Variants in CTNNA3 observed in about 807,000 individuals in gnomAD.
CTNNA3 encodes the protein catenin alpha-3.
In CTNNA3, 76 loss-of-function variants were observed where a neutral mutation model predicts 95.7. The ratio of observed to expected loss-of-function variants is 0.79; its 90% CI spans 0.66 to 0.96. CTNNA3 has a LOEUF of 0.96. CTNNA3 is among the 40% of genes least tolerant of loss of function. The pLI, the probability that CTNNA3 is intolerant of heterozygous loss-of-function variation, is 0.00. For synonymous variants in CTNNA3, 431 were observed against 374.4 expected (o/e 1.15, Z -1.74); for missense variants, 1,191 against 1,089.8 (o/e 1.09, Z -1.31).
At chr10:67,705,437 AC>A (rs1299668927) in intron 1 of CTNNA3, among the ~76,000 whole-genome samples, 2 of 149,348 alleles carry the variant, frequency 1.3e-5, no homozygotes, top group African/African-American at 4.9e-5. Context: ...ACCATGGAAT[AC>A]TATGCAGCCA....
chr10:66,334,404 C>T (rs1056707236), intron 12 of CTNNA3, among the ~76,000 whole-genome samples: 1 of 151,702 alleles, frequency 6.6e-6, no homozygotes, highest in East Asian at 1.9e-4. Context: ...CCTTCAGGAG[C>T]TCTGTTTGTC....
chr10:67,718,485 A>T (rs1301832152), intron 1 of CTNNA3, among the ~76,000 whole-genome samples: 2 of 152,206 alleles, frequency 1.3e-5, no homozygotes, highest in East Asian at 3.8e-4. Flanking sequence ...CGTTCCATCA[A>T]TACCTAGTTT....
chr10:66,192,383 A>G (rs779126610), intron 13 of CTNNA3, among the ~76,000 whole-genome samples: 1 of 152,226 alleles, frequency 6.6e-6, no homozygotes, highest in Non-Finnish European at 1.5e-5. Context: ...TTTGAGTGCT[A>G]CAGAATAAGA....
intron 5 of CTNNA3, among the ~76,000 whole-genome samples, chr10:67,266,223 C>T (rs1464451578): frequency 6.6e-6 from 1 of 151,936 alleles, no homozygotes; most frequent in African/African-American, 2.4e-5. Flanking sequence ...AAGCAAAAGA[C>T]AAGAAAGAAC....
intron 4 of CTNNA3, among the ~76,000 whole-genome samples, chr10:67,538,180 AG>A (rs1233372122): frequency 6.7e-6 from 1 of 148,350 alleles, no homozygotes. Flanking sequence ...AAAAAAAAAA[AG>A]GTATTGAATT....
In CTNNA3 at chr10:66,723,379, C is replaced by CA. The variant is rs201597680; in HGVS notation, c.1281+42884_1281+42885insT. Among the ~76,000 whole-genome samples, 744 of 152,242 alleles carry CA rather than the reference C, an allele frequency of 4.9e-3. 1 individual carries two copies. Among genetic ancestry groups the CA allele is most frequent in the African/African-American group, 0.017 (707 of 41,538 alleles). Reference sequence around the variant, plus strand: ...TTTTTCTAAATCCTACAATCCTCTACGAATGGAAGCAATAGCACTACAGTT... The same window carrying CA: ...TTTTTCTAAATCCTACAATCCTCTACAGAATGGAAGCAATAGCACTACAGTT... On this transcript the variant is annotated intron_variant, in intron 9 of 17. Transcript: ENST00000433211.
chr10:66,779,484 G>A (rs1840445989), intron 7 of CTNNA3, among the ~76,000 whole-genome samples: 1 of 151,958 alleles, frequency 6.6e-6, no homozygotes, highest in South Asian at 2.1e-4. Flanking sequence ...AGCCTCCTGA[G>A]TAGCTGGGAT....
chr10:66,945,723 T>C (rs147493954), intron 7 of CTNNA3, among the ~76,000 whole-genome samples: 2 of 152,308 alleles, frequency 1.3e-5, no homozygotes, highest in East Asian at 3.9e-4. Context: ...TTTTTATCTT[T>C]TGATTTCAAG....
At chr10:66,713,396 A>G (rs1224164653) in intron 9 of CTNNA3, among the ~76,000 whole-genome samples, 2 of 152,054 alleles carry the variant, frequency 1.3e-5, no homozygotes, top group Non-Finnish European at 1.5e-5. Context: ...GCAGATTGGT[A>G]TTTTAAATGT....
At chr10:66,784,401 CTT>C (rs1840659124) in intron 7 of CTNNA3, among the ~76,000 whole-genome samples, 1 of 151,998 alleles carries the variant, frequency 6.6e-6, no homozygotes, top group Non-Finnish European at 1.5e-5. Flanking sequence ...TGTTATGAAA[CTT>C]GATTTGTGCA....
At chr10:66,174,301 A>C (rs1185960118) in intron 13 of CTNNA3, among the ~76,000 whole-genome samples, 1 of 152,116 alleles carries the variant, frequency 6.6e-6, no homozygotes, top group African/African-American at 2.4e-5. Context: ...ATAACAAAGA[A>C]AATAACTCTA....
chr10:66,776,530 G>T (rs1840308068), intron 7 of CTNNA3, among the ~76,000 whole-genome samples: 1 of 152,052 alleles, frequency 6.6e-6, no homozygotes, highest in South Asian at 2.1e-4. Flanking sequence ...TCCCTAACAA[G>T]AAATTTAAAA....
intron 9 of CTNNA3, among the ~76,000 whole-genome samples, chr10:66,646,127 T>C (rs1273791269): frequency 1.3e-5 from 2 of 152,190 alleles, no homozygotes; most frequent in Admixed American, 6.5e-5. Context: ...TTTTGGGAAC[T>C]ATAATGAAAT....
At chr10:67,683,585 CAGTTA>C (rs1194182195) in intron 1 of CTNNA3, among the ~76,000 whole-genome samples, 9 of 152,306 alleles carry the variant, frequency 5.9e-5, no homozygotes, top group African/African-American at 2.2e-4. Context: ...ATTTATTACC[CAGTTA>C]ATTGTATACC....
rs1439153039 is a variant in CTNNA3, at chr10:67,218,316, C to T, written c.843+1291G>A. Among the ~76,000 whole-genome samples the T allele has an allele frequency of 2.6e-5, 4 of 152,108 alleles. No homozygotes were observed. In the East Asian group the frequency reaches 7.7e-4, roughly 29 times the overall value. ...GCTTTATCATGGTGCAAAAGTAATA[C>T]ATATTCAGTGTGTATATAGAGTGTT... On this transcript the variant is annotated intron_variant, in intron 6 of 17. Transcript: ENST00000433211.
At chr10:67,576,986 C>G (rs1290410613) in intron 3 of CTNNA3, among the ~76,000 whole-genome samples, 2 of 146,912 alleles carry the variant, frequency 1.4e-5, no homozygotes, top group African/African-American at 5.3e-5. Flanking sequence ...CAAGTCTTTG[C>G]TCTTGTGAAG....
chr10:66,144,782 C>A (rs2083796452), intron 13 of CTNNA3, among the ~76,000 whole-genome samples: 1 of 152,168 alleles, frequency 6.6e-6, no homozygotes, highest in Admixed American at 6.5e-5. Context: ...GCCATGACAC[C>A]CAGCCTTCTA....
chr10:66,129,865 G>C (rs1056544234), intron 13 of CTNNA3, among the ~76,000 whole-genome samples: 4 of 152,002 alleles, frequency 2.6e-5, no homozygotes, highest in African/African-American at 7.3e-5. Context: ...CAGTGCCTAT[G>C]TGTGCCCTTG....
chr10:67,693,268 T>C (rs1467929050), intron 1 of CTNNA3, among the ~76,000 whole-genome samples: 1 of 152,198 alleles, frequency 6.6e-6, no homozygotes, highest in Non-Finnish European at 1.5e-5. Context: ...TCACTTTCCA[T>C]TAGATTTGCA....
Sources: gnomAD v4.1 joint callset for allele counts (sites outside exome capture counted in the v4.1 genomes callset) on GRCh38, gnomAD v4.1.1 for gene constraint, MANE v1.5 for transcripts, NCBI Gene and HGNC (gene_info 2026-07-23, HGNC 2026-07-21) for gene names.